RAPGEF6: variants seen among roughly 807,000 people sequenced by gnomAD.
RAPGEF6 encodes Rap guanine nucleotide exchange factor 6.
A neutral mutation model predicts 171.4 loss-of-function variants in RAPGEF6; 56 were observed. That is an observed-to-expected ratio of 0.33 (90% CI 0.26 to 0.41). The LOEUF (loss-of-function observed/expected upper bound fraction) is 0.41, where lower values mean the gene tolerates loss of function less well. Among genes scored for constraint, RAPGEF6 ranks in the 10% least tolerant of loss-of-function variants. The pLI is 1.00. For missense variants in RAPGEF6, 1,674 were observed against 1,921.4 expected, an observed-to-expected ratio of 0.87 and a Z score of 2.41; for synonymous variants, 692 against 650.1, an observed-to-expected ratio of 1.06 and a Z score of -0.98.
At chr5:131,472,469 G>A (rs1437285524) in intron 17 of RAPGEF6, 118 bp downstream of exon 17, 1 of 1,182,436 alleles carries the variant, frequency 8.5e-7, no homozygotes, top group Non-Finnish European at 1.2e-6. Context: ...TTTGCATCAA[G>A]TCATAATCTA....
chr5:131,606,315 G>C (rs904934479), intron 1 of RAPGEF6, among the ~76,000 whole-genome samples: 1 of 143,484 alleles, frequency 7.0e-6, no homozygotes, highest in African/African-American at 2.6e-5. Flanking sequence ...AGTGAGCCGA[G>C]ATCGCACCAC....
At chr5:131,478,629 T>C (rs1359097784) in intron 16 of RAPGEF6, among the ~76,000 whole-genome samples, 1 of 152,182 alleles carries the variant, frequency 6.6e-6, no homozygotes, top group Non-Finnish European at 1.5e-5. Flanking sequence ...GATTATCAAC[T>C]CTTGGAGGAT....
At chr5:131,592,120 T>C (rs925093327) in intron 4 of RAPGEF6, among the ~76,000 whole-genome samples, 1 of 152,168 alleles carries the variant, frequency 6.6e-6, no homozygotes, top group African/African-American at 2.4e-5. Flanking sequence ...TCTCCCAAAG[T>C]GCTGGGATTA....
At chr5:131,487,603 T>C (rs1756004849) in intron 15 of RAPGEF6, among the ~76,000 whole-genome samples, 1 of 152,194 alleles carries the variant, frequency 6.6e-6, no homozygotes, top group South Asian at 2.1e-4. Context: ...TACAATCCTT[T>C]ACCTAGACCC....
At chr5:131,472,314 G>A (rs973700647) in intron 17 of RAPGEF6, 10 of 406,180 alleles carry the variant, frequency 2.5e-5, no homozygotes, top group African/African-American at 8.3e-5. Context: ...CTCATGATCC[G>A]CCCGCCTCGG....
chr5:131,429,107 T>G lies in RAPGEF6; in HGVS notation c.4575A>C (p.Thr1525=). 2 of 1,614,182 alleles carry G rather than the reference T, an allele frequency of 1.2e-6. No homozygotes were observed. Among genetic ancestry groups the G allele is most frequent in the Non-Finnish European group, 1.7e-6 (2 of 1,180,022 alleles). The stretch of plus-strand genomic sequence containing the variant: ...CACTATAATCTGGAGGTTTTAGGTG[T>G]GTGTGGGGTCCTTCCTTTAGGTCCG... The part of the protein sequence containing the change: ...SLADLKEGPH[T]HLKPPDYSVA... The change falls in exon 27 of 28, where the codon ACA becomes ACC. Residue 1525 remains threonine, a synonymous_variant. Coordinates refer to ENST00000509018, the MANE Select transcript of RAPGEF6 (RefSeq NM_016340.6).
intron 12 of RAPGEF6, among the ~76,000 whole-genome samples, chr5:131,496,880 G>C (rs555347360): frequency 2.2e-4 from 34 of 151,946 alleles, no homozygotes; most frequent in African/African-American, 8.2e-4. Flanking sequence ...AGAATTGCTG[G>C]GCTATATGGT....
At chr5:131,558,173 T>G (rs1054609578) in intron 5 of RAPGEF6, among the ~76,000 whole-genome samples, 1 of 151,960 alleles carries the variant, frequency 6.6e-6, no homozygotes, top group Non-Finnish European at 1.5e-5. Flanking sequence ...TTTCTAGATA[T>G]TGGCTTGTGC....
intron 5 of RAPGEF6, among the ~76,000 whole-genome samples, chr5:131,550,331 C>CT (rs1760841637): frequency 6.6e-6 from 1 of 152,154 alleles, no homozygotes; most frequent in African/African-American, 2.4e-5. Flanking sequence ...ATTTTAAACT[C>CT]TTACATTTGA....
chr5:131,438,306 A>G (rs944591297), intron 24 of RAPGEF6, among the ~76,000 whole-genome samples: 7 of 152,238 alleles, frequency 4.6e-5, no homozygotes, highest in African/African-American at 1.7e-4. Context: ...AATTACTTGT[A>G]GTAACACAGC....
chr5:131,435,596 T>G (rs1751962800), intron 24 of RAPGEF6, among the ~76,000 whole-genome samples: 1 of 152,212 alleles, frequency 6.6e-6, no homozygotes, highest in Non-Finnish European at 1.5e-5. Context: ...ACACAGTAAT[T>G]GCATTTTTTA....
intron 3 of RAPGEF6, among the ~76,000 whole-genome samples, chr5:131,602,440 T>C (rs1013578877): frequency 2.6e-4 from 39 of 152,232 alleles, no homozygotes; most frequent in African/African-American, 8.4e-4. Context: ...AGAATGTTAA[T>C]AGAAACTGTA....
At chr5:131,587,359 A>G (rs535334407) in intron 4 of RAPGEF6, among the ~76,000 whole-genome samples, 1 of 152,352 alleles carries the variant, frequency 6.6e-6, no homozygotes, top group Admixed American at 6.5e-5. Context: ...AAAACTCTTC[A>G]GAGATACAAG....
At chr5:131,452,562 T>G (rs1377834186) in intron 21 of RAPGEF6, among the ~76,000 whole-genome samples, 1 of 150,666 alleles carries the variant, frequency 6.6e-6, no homozygotes, top group Non-Finnish European at 1.5e-5. Context: ...ACTAATACTT[T>G]ACAAATTAGC....
At chr5:131,598,223 A>AATTTTAG (rs1764016517) in intron 3 of RAPGEF6, among the ~76,000 whole-genome samples, 1 of 152,206 alleles carries the variant, frequency 6.6e-6, no homozygotes, top group South Asian at 2.1e-4. Context: ...TTAGACTAGA[A>AATTTTAG]ACAGCAGAAG....
rs565560298 is a variant in RAPGEF6 at position 131,625,248 on chromosome 5, G to A, written c.69+9714C>T. On this transcript the variant is annotated intron_variant, in intron 1 of 27. Transcript: ENST00000509018. ...CTGCACTCCAGCCTGGGAGACAAGA[G>A]AGAAACTCCGTCTCAAAAAACAAAC... 2.0e-5 allele frequency among the ~76,000 whole-genome samples: 3 copies of A among 152,024 alleles called. No homozygotes were observed. In the South Asian group the frequency reaches 6.2e-4, roughly 32 times the overall value.
At chr5:131,521,891 A>ACACACACACACTCT (rs1250904540) in intron 6 of RAPGEF6, among the ~76,000 whole-genome samples, 10 of 123,650 alleles carry the variant, frequency 8.1e-5, no homozygotes, top group African/African-American at 3.0e-4. Flanking sequence ...ACACACACAC[A>ACACACACACACTCT]CTCTCTCTCT....
In RAPGEF6 at chr5:131,455,857, G is replaced by A. The variant is rs946213513; in HGVS notation, c.3020C>T (p.Pro1007Leu). 1.2e-6 allele frequency: 2 copies of A among 1,613,702 alleles called. No individual in the cohort carries two copies. Among genetic ancestry groups the A allele is most frequent in the Admixed American group, 3.3e-5 (2 of 60,006 alleles). ...RNILSSQSMQ[P>L]PIIPLFPVVK... ...AACAGGGAAGAGTGGAATAATTGGA[G>A]GCTGCATACTTTGACTACTAAGAAT... The change falls in exon 20 of 28, where the codon CCT (proline) becomes CTT (leucine). Residue 1007 changes from proline to leucine, a missense_variant. Transcript: ENST00000509018.
Position 131,439,795 on chromosome 5 carries a change from AAC to A in RAPGEF6, c.3611-82_3611-81del, listed in dbSNP as rs1394702459. 6 of 1,542,020 alleles carry A rather than the reference AAC, an allele frequency of 3.9e-6. No homozygotes were observed. The Admixed American group carries it at 7.6e-5, about 20-fold the overall frequency. On this transcript the variant is annotated intron_variant, in intron 23 of 27. Transcript: ENST00000509018. ...TAGTTGCCTAAATCACTACATAACT[AAC>A]ACTATGATGCACAATGGCTAGTGTA...
Sources: gnomAD v4.1 joint callset for allele counts (sites outside exome capture counted in the v4.1 genomes callset) on GRCh38, gnomAD v4.1.1 for gene constraint, MANE v1.5 for transcripts, NCBI Gene and HGNC (gene_info 2026-07-23, HGNC 2026-07-21) for gene names.